Variants in AKAP6 observed in about 807,000 individuals in gnomAD.
AKAP6 encodes A-kinase anchor protein 6.
A neutral mutation model predicts 188.5 loss-of-function variants in AKAP6; 58 were observed. The ratio of observed to expected loss-of-function variants is 0.31; its 90% CI spans 0.25 to 0.38. The LOEUF (loss-of-function observed/expected upper bound fraction) is 0.38, where lower values mean the gene tolerates loss of function less well. Among genes scored for constraint, AKAP6 ranks in the 10% least tolerant of loss-of-function variants. The pLI, the probability that AKAP6 is intolerant of heterozygous loss-of-function variation, is 1.00. For missense variants in AKAP6, 2,710 were observed against 2,740.0 expected, an observed-to-expected ratio of 0.99 and a Z score of 0.24; for synonymous variants, 989 against 998.6, an observed-to-expected ratio of 0.99 and a Z score of 0.18.
At chr14:32,773,637 C>A in intron 11 of AKAP6, 41 bp from the exon 12 acceptor site, 1 of 1,559,318 alleles carries the variant, frequency 6.4e-7, no homozygotes, top group Admixed American at 1.8e-5. Context: ...GGGAACTCTG[C>A]CCTATAAACA....
At chr14:32,419,748 G>A (rs1889777522) in intron 1 of AKAP6, among the ~76,000 whole-genome samples, 1 of 151,872 alleles carries the variant, frequency 6.6e-6, no homozygotes, top group Non-Finnish European at 1.5e-5. Context: ...TTATTGATTT[G>A]AGTCACAGTG....
chr14:32,778,947 T>C (rs1176254496), intron 12 of AKAP6, among the ~76,000 whole-genome samples: 6 of 150,492 alleles, frequency 4.0e-5, no homozygotes, highest in Non-Finnish European at 7.4e-5. Context: ...GAATAAAAAA[T>C]AGATGCAATA....
chr14:32,544,291 G>A (rs1013517836), intron 3 of AKAP6, among the ~76,000 whole-genome samples: 2 of 152,136 alleles, frequency 1.3e-5, no homozygotes, highest in African/African-American at 4.8e-5. Flanking sequence ...TTAGCCAGTA[G>A]GCAAAATAGG....
intron 9 of AKAP6, among the ~76,000 whole-genome samples, chr14:32,728,247 T>C (rs2139814973): frequency 7.3e-6 from 1 of 137,072 alleles, no homozygotes; most frequent in Non-Finnish European, 1.5e-5. Context: ...AATGCATATT[T>C]TCACACATTA....
chr14:32,546,878 A>G lies in AKAP6; in HGVS notation c.2225A>G (p.Glu742Gly). Reference sequence around the variant, plus strand: ...AAAAAGTATGCTGATGAGAAGTCAGAAAGAGCTTCATCCTCTGAGAAAAAT... The same window carrying G: ...AAAAAGTATGCTGATGAGAAGTCAGGAAGAGCTTCATCCTCTGAGAAAAAT... Reference protein sequence around the residue: ...GMKKYADEKSERASSSEKNES... With the variant: ...GMKKYADEKSGRASSSEKNES... Residue 742 changes from glutamate to glycine, a missense_variant, in exon 4 of 14, where the codon GAA becomes GGA. By Grantham distance (98) the Glu-to-Gly change is moderately conservative. Coordinates refer to ENST00000280979, the MANE Select transcript of AKAP6 (RefSeq NM_004274.5). The G allele has an allele frequency of 3.1e-6, 5 of 1,614,126 alleles. No homozygotes were observed. Among genetic ancestry groups the G allele is most frequent in the Non-Finnish European group, 4.2e-6 (5 of 1,180,012 alleles).
chr14:32,550,237 A>C (rs1883394119), intron 4 of AKAP6, among the ~76,000 whole-genome samples: 1 of 152,226 alleles, frequency 6.6e-6, no homozygotes, highest in African/African-American at 2.4e-5. Flanking sequence ...GTGTGTCTTT[A>C]ATAGAAGGAA....
intron 12 of AKAP6, among the ~76,000 whole-genome samples, chr14:32,820,594 G>C (rs2034494460): frequency 6.6e-6 from 1 of 152,054 alleles, no homozygotes; most frequent in Non-Finnish European, 1.5e-5. Context: ...ATCAGAAATG[G>C]GGGAAGGACT....
intron 5 of AKAP6, among the ~76,000 whole-genome samples, chr14:32,578,179 T>G (rs771606132): frequency 2.0e-5 from 3 of 152,088 alleles, no homozygotes; most frequent in Non-Finnish European, 2.9e-5. Flanking sequence ...CCAGAACTGT[T>G]GTTCTCTATG....
At chr14:32,522,560 T>C (rs1189457084) in intron 2 of AKAP6, among the ~76,000 whole-genome samples, 1 of 152,136 alleles carries the variant, frequency 6.6e-6, no homozygotes, top group Non-Finnish European at 1.5e-5. Context: ...AAAGAAGACA[T>C]TTATGCAGCT....
At chr14:32,660,935 T>TCCCCCCCCCCCCCCCCCCC (rs1217161230) in intron 7 of AKAP6, among the ~76,000 whole-genome samples, 1 of 38,994 alleles carries the variant, frequency 2.6e-5, no homozygotes, top group Admixed American at 3.2e-4. Context: ...CCCCCCCCCC[T>TCCCCCCCCCCCCCCCCCCC]CCCAATTCCA....
intron 4 of AKAP6, among the ~76,000 whole-genome samples, chr14:32,554,818 T>A (rs186718438): frequency 6.6e-6 from 1 of 152,278 alleles, no homozygotes; most frequent in Admixed American, 6.5e-5. Context: ...TTTCAGGAGA[T>A]CTGTCCTTTG....
chr14:32,405,298 A>C (rs376416772), intron 1 of AKAP6, among the ~76,000 whole-genome samples: 2 of 152,076 alleles, frequency 1.3e-5, no homozygotes, highest in African/African-American at 4.8e-5. Context: ...CATGCTCCAT[A>C]CTGGCTGACA....
At chr14:32,385,405 C>CT (rs35404788) in intron 1 of AKAP6, among the ~76,000 whole-genome samples, 33,435 of 144,454 alleles carry the variant, frequency 0.23, 4,383 homozygotes, top group East Asian at 0.62. Flanking sequence ...ATTTTTATTT[C>CT]TTTTTTTTTT....
rs368092721 is a variant in AKAP6 at position 32,741,528 on chromosome 14, T to A, written c.3372+5646T>A. ...ATATAGCTTTTATTATGTTGAGATA[T>A]GTTCCATCCATCCCCATTTTTTTTT... On this transcript the variant is annotated intron_variant, in intron 11 of 13. Transcript: ENST00000280979. Among the ~76,000 whole-genome samples, 4 of 152,028 alleles carry A rather than the reference T, an allele frequency of 2.6e-5. No individual in the cohort carries two copies. In the East Asian group the frequency reaches 5.8e-4, roughly 22 times the overall value.
chr14:32,545,234 G>A lies in AKAP6; in HGVS notation c.581G>A (p.Arg194Gln), dbSNP rs779406344. The change falls in exon 4 of 14, where the codon CGG becomes CAG. Residue 194 changes from arginine (R) to glutamine (Q), a missense_variant. Physicochemically the swap from Arg to Gln is conservative, Grantham distance 43. This residue lies in a region of AKAP6 where 237 missense variants were observed against 313.9 expected (regional missense o/e 0.76). Transcript: ENST00000280979. Reference sequence around the variant, plus strand: ...CATTGCCATTGTCTGTTTCAGGGCCGGCTTGATTCTCTAACAGAAGTGGAT... The same window carrying A: ...CATTGCCATTGTCTGTTTCAGGGCCAGCTTGATTCTCTAACAGAAGTGGAT... The part of the protein sequence containing the change: ...QAFSEETKEG[R>Q]LDSLTEVDDS... 11 of 1,611,250 alleles carry A rather than the reference G, an allele frequency of 6.8e-6. No individual in the cohort carries two copies. The highest frequency in any genetic ancestry group is 2.2e-5 in the East Asian group (1 of 44,794).
intron 11 of AKAP6, among the ~76,000 whole-genome samples, chr14:32,760,619 A>G (rs960273402): frequency 2.0e-5 from 3 of 152,174 alleles, no homozygotes; most frequent in South Asian, 2.1e-4. Flanking sequence ...CGTGTATTCA[A>G]TCTTCTTTGA....
At chr14:32,617,199 C>T (rs1886616433) in intron 7 of AKAP6, among the ~76,000 whole-genome samples, 2 of 152,168 alleles carry the variant, frequency 1.3e-5, no homozygotes, top group Admixed American at 1.3e-4. Flanking sequence ...TTGCCATAGC[C>T]ACATGAGGGT....
intron 1 of AKAP6, among the ~76,000 whole-genome samples, chr14:32,340,955 C>T (rs1273274378): frequency 6.6e-6 from 1 of 152,198 alleles, no homozygotes; most frequent in East Asian, 1.9e-4. Context: ...AATATCATCA[C>T]CTTGGGGGTT....
intron 11 of AKAP6, among the ~76,000 whole-genome samples, chr14:32,754,335 G>A (rs994866700): frequency 4.6e-5 from 7 of 152,078 alleles, no homozygotes; most frequent in Admixed American, 2.6e-4. Flanking sequence ...TTTGCATGGA[G>A]TATGCAACTG....
Sources: allele counts gnomAD v4.1 joint callset (sites outside exome capture counted in the v4.1 genomes callset), GRCh38; gene constraint gnomAD v4.1.1; regional missense constraint gnomAD v4.1.1; transcripts MANE v1.5; gene names NCBI Gene and HGNC (gene_info 2026-07-23, HGNC 2026-07-21).